The following ESRRG variants were observed in gnomAD, a reference collection of about 807,000 sequenced individuals.
ESRRG encodes estrogen related receptor gamma.
A neutral mutation model predicts 44.0 loss-of-function variants in ESRRG; 13 were observed. The ratio of observed to expected loss-of-function variants is 0.30; its 90% CI spans 0.19 to 0.47. ESRRG has a LOEUF of 0.47. Ranked by LOEUF, ESRRG falls within the 20% of genes least tolerant of loss-of-function variation. The pLI is 1.00. For missense variants in ESRRG, 395 were observed against 580.6 expected (o/e 0.68, Z 3.29); for synonymous variants, 215 against 214.6 (o/e 1.00, Z -0.02).
At chr1:216,686,313 G>A (rs888687019) in intron 1 of ESRRG, 2 of 151,414 alleles carry the variant, frequency 1.3e-5, no homozygotes, top group Admixed American at 6.6e-5. Flanking sequence ...TGAAGAGAAC[G>A]TAAAGCTAAA....
intron 2 of ESRRG, among the ~76,000 whole-genome samples, chr1:216,802,070 A>G (rs1559694300): frequency 6.6e-6 from 1 of 152,190 alleles, no homozygotes; most frequent in Non-Finnish European, 1.5e-5. Flanking sequence ...ATGTGTCAGA[A>G]TAATGGTTAA....
chr1:216,747,121 C>A (rs972460857), intron 2 of ESRRG, among the ~76,000 whole-genome samples: 6 of 152,074 alleles, frequency 3.9e-5, no homozygotes, highest in African/African-American at 1.4e-4. Flanking sequence ...GCTTGCACAC[C>A]CCTAATCTGA....
intron 3 of ESRRG, among the ~76,000 whole-genome samples, chr1:216,637,556 G>A (rs1230577747): frequency 1.3e-5 from 2 of 152,152 alleles, no homozygotes; most frequent in Non-Finnish European, 2.9e-5. Flanking sequence ...ATTAAGAGAA[G>A]AACCAAAAGA....
chr1:216,966,640 G>A (rs1381845948), intron 1 of ESRRG, among the ~76,000 whole-genome samples: 1 of 152,016 alleles, frequency 6.6e-6, no homozygotes, highest in Non-Finnish European at 1.5e-5. Flanking sequence ...TCATCATGGT[G>A]CTCAACTTCC....
chr1:216,532,344 C>G (rs1356313016), intron 5 of ESRRG, among the ~76,000 whole-genome samples: 1 of 152,152 alleles, frequency 6.6e-6, no homozygotes, highest in Non-Finnish European at 1.5e-5. Context: ...TAACGGGGAT[C>G]AAGCCGCTGC....
At chr1:216,951,630 A>T (rs1250491038) in intron 1 of ESRRG, among the ~76,000 whole-genome samples, 1 of 152,024 alleles carries the variant, frequency 6.6e-6, no homozygotes, top group Non-Finnish European at 1.5e-5. Flanking sequence ...ACAGCACCAA[A>T]ATAGTGTAAC....
At chr1:216,912,797 C>A (rs1383902315) in intron 2 of ESRRG, among the ~76,000 whole-genome samples, 5 of 151,896 alleles carry the variant, frequency 3.3e-5, no homozygotes, top group African/African-American at 1.2e-4. Context: ...TCCTTGGGTT[C>A]CACATCCCTG....
intron 2 of ESRRG, among the ~76,000 whole-genome samples, chr1:216,743,683 A>G (rs931243703): frequency 3.9e-5 from 6 of 152,074 alleles, no homozygotes; most frequent in Admixed American, 1.3e-4. Flanking sequence ...TTCATGGATA[A>G]CACTCATCAT....
chr1:216,652,133 T>A (rs2069145581), intron 2 of ESRRG, among the ~76,000 whole-genome samples: 1 of 152,148 alleles, frequency 6.6e-6, no homozygotes, highest in African/African-American at 2.4e-5. Context: ...GGGGAGGTCA[T>A]CACACCAAAT....
chr1:216,705,312 T>G (rs548684819), intron 1 of ESRRG, among the ~76,000 whole-genome samples: 67 of 152,078 alleles, frequency 4.4e-4, no homozygotes, highest in South Asian at 4.2e-4. Flanking sequence ...CGAATATAAT[T>G]GACATAGAAA....
chr1:216,712,677 C>A (rs1325335136), intron 1 of ESRRG, among the ~76,000 whole-genome samples: 4 of 152,130 alleles, frequency 2.6e-5, no homozygotes, highest in African/African-American at 9.7e-5. Flanking sequence ...ATTTTTATTT[C>A]CGTTGAATCT....
At position 217,132,946 on chromosome 1, in the gene ESRRG, C is replaced by G. The variant is rs115438801; in HGVS notation, c.-230+4721G>C. Among the ~76,000 whole-genome samples, 34 of 152,296 alleles carry G rather than the reference C, an allele frequency of 2.2e-4. No homozygotes were observed. The South Asian group carries it at 6.6e-3, about 30-fold the overall frequency. Reference sequence around the variant, plus strand: ...TCTCTGTCACCACCTCCCTTCCATACCCCGAAAGTTTCTTGTCTAGTTTTG... The same window carrying G: ...TCTCTGTCACCACCTCCCTTCCATAGCCCGAAAGTTTCTTGTCTAGTTTTG... On this transcript the variant is annotated intron_variant, in intron 1 of 8. Coordinates refer to the ESRRG transcript ENST00000366940.
chr1:216,975,673 C>G (rs2072729374), intron 1 of ESRRG, among the ~76,000 whole-genome samples: 3 of 152,146 alleles, frequency 2.0e-5, no homozygotes, highest in Non-Finnish European at 4.4e-5. Context: ...ACTTTTAAGT[C>G]TTGAGGAGAG....
rs572079485 is a variant in ESRRG, at chr1:217,052,841, G to A, written c.-106+36666C>T. 1.2e-3 allele frequency among the ~76,000 whole-genome samples: 178 copies of A among 152,226 alleles called. 1 individual carries two copies. The highest frequency in any genetic ancestry group is 2.1e-3 in the Non-Finnish European group (141 of 68,004). ...CTGGGGCAGCTGGTTAAGAAATCTT[G>A]CATCTTCCAGCCAGAGTCCATGGAC... On this transcript the variant is annotated intron_variant, in intron 1 of 7. Transcript: ENST00000359162.
At chr1:216,648,240 G>T (rs1368326626) in intron 3 of ESRRG, among the ~76,000 whole-genome samples, 1 of 152,042 alleles carries the variant, frequency 6.6e-6, no homozygotes, top group Non-Finnish European at 1.5e-5. Flanking sequence ...ATATTTCACT[G>T]CATTTTTAAA....
chr1:216,976,286 ATGTGTG>A (rs61142800), intron 1 of ESRRG, among the ~76,000 whole-genome samples: 14,288 of 146,860 alleles, frequency 0.097, 1,406 homozygotes, highest in African/African-American at 0.26. Context: ...ATGCTCCTAA[ATGTGTG>A]TGTGTGTGTG....
At chr1:216,532,544 C>T (rs759720041) in intron 5 of ESRRG, among the ~76,000 whole-genome samples, 3 of 152,196 alleles carry the variant, frequency 2.0e-5, no homozygotes, top group Non-Finnish European at 2.9e-5. Context: ...AATGACATTG[C>T]GGCTCTGGCC....
chr1:216,640,586 G>A (rs1434463808), intron 3 of ESRRG, among the ~76,000 whole-genome samples: 1 of 152,006 alleles, frequency 6.6e-6, no homozygotes, highest in Non-Finnish European at 1.5e-5. Flanking sequence ...CAGTTACGGG[G>A]ACTTAGAGAT....
chr1:216,826,639 C>A (rs780798603), intron 2 of ESRRG, among the ~76,000 whole-genome samples: 7 of 152,078 alleles, frequency 4.6e-5, no homozygotes, highest in Non-Finnish European at 8.8e-5. Flanking sequence ...AGGTGAATAT[C>A]ATTGACTCTA....
Sources: allele counts gnomAD v4.1 joint callset (sites outside exome capture counted in the v4.1 genomes callset), GRCh38; gene constraint gnomAD v4.1.1; transcripts MANE v1.5; gene names NCBI Gene and HGNC (gene_info 2026-07-23, HGNC 2026-07-21).